The following EDNRA variants were observed in gnomAD, a reference collection of about 807,000 sequenced individuals.
The protein encoded by EDNRA is endothelin receptor type A.
A neutral mutation model predicts 41.4 loss-of-function variants in EDNRA; 11 were observed. The ratio of observed to expected loss-of-function variants is 0.27; its 90% CI spans 0.17 to 0.44. The LOEUF (loss-of-function observed/expected upper bound fraction) is 0.44. Among genes scored for constraint, EDNRA ranks in the 20% least tolerant of loss-of-function variants. EDNRA has a pLI of 1.00. For synonymous variants in EDNRA, 172 were observed against 183.0 expected (o/e 0.94, Z 0.49); for missense variants, 294 against 531.0 (o/e 0.55, Z 4.39).
chr4:147,515,914 G>T (rs1730098504), intron 2 of EDNRA, among the ~76,000 whole-genome samples: 1 of 152,124 alleles, frequency 6.6e-6, no homozygotes, highest in Non-Finnish European at 1.5e-5. Context: ...AAAACATGCA[G>T]CTTGTCAATT....
intron 3 of EDNRA, among the ~76,000 whole-genome samples, chr4:147,523,468 T>TTTG (rs539512347): frequency 1.5e-5 from 2 of 132,134 alleles, no homozygotes; most frequent in African/African-American, 7.1e-5. Context: ...TTTGTTTTTT[T>TTTG]TTGTTGTTGT....
intron 2 of EDNRA, among the ~76,000 whole-genome samples, chr4:147,507,494 T>C (rs937251191): frequency 2.0e-5 from 3 of 152,196 alleles, no homozygotes; most frequent in Non-Finnish European, 4.4e-5. Context: ...GATAGAGTTA[T>C]AGAGATGGAT....
At chr4:147,512,657 T>A (rs1452300980) in intron 2 of EDNRA, among the ~76,000 whole-genome samples, 3 of 152,232 alleles carry the variant, frequency 2.0e-5, no homozygotes, top group Non-Finnish European at 2.9e-5. Context: ...GCACTCTCTT[T>A]ATCTGCAGTT....
In EDNRA at chr4:147,542,855, A is replaced by T. The variant is rs201979063; in HGVS notation, c.*237A>T. On this transcript the variant is annotated 3_prime_UTR_variant, in exon 8 of 8. Coordinates refer to ENST00000651419, the MANE Select transcript of EDNRA (RefSeq NM_001957.4). ...TATTCTGCGTGTTGTATTCAGCACT[A>T]AAAAATGGTGGGAGCTGGGGGAGAA... 9 of 414,394 alleles carry T rather than the reference A, an allele frequency of 2.2e-5. No homozygotes were observed. Among genetic ancestry groups the T allele is most frequent in the South Asian group, 1.7e-4 (3 of 18,116 alleles). The allele number at this position is 414,394 out of a possible 1,614,324, so 25.7% of individuals were successfully genotyped here. A position where few individuals can be genotyped will look rare whatever the true frequency, so the allele number is the denominator to read the frequency against.
Position 147,540,617 on chromosome 4 carries a change from A to G in EDNRA, c.1143+132A>G, listed in dbSNP as rs539611293. On this transcript the variant is annotated intron_variant, in intron 7 of 7. Transcript: ENST00000651419. ...ACTTTTTAGCAGTGAAGTGAAAATCATGTTTTATTACCCAGAAAGAGAGTC... is the reference window on the plus strand; with the variant it reads ...ACTTTTTAGCAGTGAAGTGAAAATCGTGTTTTATTACCCAGAAAGAGAGTC... 22 of 621,030 alleles carry G rather than the reference A, an allele frequency of 3.5e-5. No homozygotes were observed. In the African/African-American group the frequency reaches 3.7e-4, roughly 11 times the overall value. 38.5% of individuals were successfully genotyped at this position (621,030 alleles called of 1,614,324 possible).
intron 2 of EDNRA, among the ~76,000 whole-genome samples, chr4:147,505,202 TAA>T (rs565487803): frequency 1.2e-4 from 11 of 90,282 alleles, no homozygotes; most frequent in Non-Finnish European, 1.3e-4. Flanking sequence ...GGCTAAAATG[TAA>T]AAAAAAAAAA....
intron 3 of EDNRA, among the ~76,000 whole-genome samples, chr4:147,532,199 G>A (rs1458680034): frequency 2.7e-5 from 4 of 147,860 alleles, no homozygotes; most frequent in African/African-American, 7.5e-5. Context: ...GGTGGCAGGC[G>A]CCTGTAGTCC....
chr4:147,536,951 A>C (rs868183010), intron 5 of EDNRA, among the ~76,000 whole-genome samples: 3 of 152,200 alleles, frequency 2.0e-5, no homozygotes, highest in Non-Finnish European at 4.4e-5. Context: ...GAGACATATA[A>C]GGTGCCTAAT....
In EDNRA at chr4:147,532,629, C is replaced by T. The variant is rs142493349; in HGVS notation, c.672C>T (p.Phe224=). ...FILAIPEAIG[F]VMVPFEYRGE... ...TGGCCATTCCTGAAGCGATTGGCTTCGTCATGGTACCCTTTGAATATAGGG... is the reference window on the plus strand; with the variant it reads ...TGGCCATTCCTGAAGCGATTGGCTTTGTCATGGTACCCTTTGAATATAGGG... Residue 224 remains phenylalanine (F), a synonymous_variant, in exon 4 of 8, where the codon TTC becomes TTT. Coordinates refer to ENST00000651419, the MANE Select transcript of EDNRA (RefSeq NM_001957.4). The T allele has an allele frequency of 1.9e-6, 3 of 1,614,032 alleles. No individual in the cohort carries two copies. The highest frequency in any genetic ancestry group is 1.3e-5 in the African/African-American group (1 of 74,972).
At chr4:147,520,564 T>C in intron 3 of EDNRA, 1 of 437,990 alleles carries the variant, frequency 2.3e-6, no homozygotes, top group South Asian at 1.7e-5. Flanking sequence ...GAAGCCCTTC[T>C]GAATTCTGTG....
intron 2 of EDNRA, among the ~76,000 whole-genome samples, chr4:147,501,147 G>A (rs1027230725): frequency 1.9e-4 from 29 of 152,334 alleles, no homozygotes; most frequent in Non-Finnish European, 1.9e-4. Context: ...TATTAGAACC[G>A]AAGATGTCTA....
chr4:147,489,141 A>G (rs1356914924), intron 2 of EDNRA: 3 of 152,194 alleles, frequency 2.0e-5, no homozygotes, highest in Admixed American at 2.0e-4. Context: ...TTTGTGTTTA[A>G]CAATTATATT....
chr4:147,499,472 A>G (rs548683739), intron 2 of EDNRA, among the ~76,000 whole-genome samples: 198 of 152,354 alleles, frequency 1.3e-3, no homozygotes, highest in African/African-American at 3.3e-3. Context: ...CAAATCAGTT[A>G]CAACAACCAA....
rs766577187 is a variant in EDNRA at position 147,485,827 on chromosome 4, T to TGGTAACC, written c.146_147insGGTAACC (p.Thr50ValfsTer9). On this transcript the variant is annotated frameshift_variant, in exon 2 of 8. Coordinates refer to ENST00000651419, the MANE Select transcript of EDNRA (RefSeq NM_001957.4). LOFTEE classifies it high-confidence loss of function. ...CGTGGCACAGAGCTCAGCTTCCTGG[T>TGGTAACC]TACCACTCATCAACCCACTAATTTG... 6.2e-7 allele frequency: 1 copy of TGGTAACC among 1,614,262 alleles called. No individual in the cohort carries two copies. The highest frequency in any genetic ancestry group is 1.1e-5 in the South Asian group (1 of 91,082).
chr4:147,540,265 C>A, intron 6 of EDNRA, 112 bp from the exon 7 acceptor site: 1 of 889,614 alleles, frequency 1.1e-6, no homozygotes, highest in Non-Finnish European at 1.7e-6. Context: ...AACTGCCACC[C>A]ATACGAAATG....
chr4:147,520,324 A>T (rs1041695936), intron 3 of EDNRA: 2 of 486,604 alleles, frequency 4.1e-6, no homozygotes, highest in South Asian at 1.5e-5. Flanking sequence ...AATTTATCAT[A>T]AAAAAAGATA....
At chr4:147,507,402 C>T (rs1453827635) in intron 2 of EDNRA, among the ~76,000 whole-genome samples, 2 of 152,092 alleles carry the variant, frequency 1.3e-5, no homozygotes, top group Non-Finnish European at 2.9e-5. Context: ...GGTGAATCTC[C>T]GGAGAACCGT....
intron 5 of EDNRA, among the ~76,000 whole-genome samples, chr4:147,537,096 T>A (rs1271313137): frequency 6.6e-6 from 1 of 152,228 alleles, no homozygotes; most frequent in South Asian, 2.1e-4. Flanking sequence ...AAAGTTAATG[T>A]GAGTTGTTGA....
intron 2 of EDNRA, among the ~76,000 whole-genome samples, chr4:147,515,395 C>T (rs1364541896): frequency 3.3e-5 from 5 of 152,112 alleles, no homozygotes; most frequent in African/African-American, 4.8e-5. Context: ...GCAAAATTGT[C>T]CCCTGGTTGA....
Sources: allele counts gnomAD v4.1 joint callset (sites outside exome capture counted in the v4.1 genomes callset), GRCh38; gene constraint gnomAD v4.1.1; transcripts MANE v1.5; gene names NCBI Gene and HGNC (gene_info 2026-07-23, HGNC 2026-07-21).